Variants in DPP10 observed in about 807,000 individuals in gnomAD.
DPP10 encodes dipeptidyl peptidase like 10, also known as inactive dipeptidyl peptidase 10.
DPP10 carries 33 observed loss-of-function variants against 120.9 expected under a neutral mutation model. That is an observed-to-expected ratio of 0.27 (90% CI 0.21 to 0.37). The LOEUF is 0.37. DPP10 is among the 10% of genes least tolerant of loss of function. The pLI, the probability that DPP10 is intolerant of heterozygous loss-of-function variation, is 1.00. For missense variants in DPP10, 816 were observed against 942.8 expected, an observed-to-expected ratio of 0.87 and a Z score of 1.76; for synonymous variants, 337 against 326.1, an observed-to-expected ratio of 1.03 and a Z score of -0.36.
intron 1 of DPP10, among the ~76,000 whole-genome samples, chr2:115,046,370 T>A (rs1295454849): frequency 1.3e-5 from 2 of 152,336 alleles, no homozygotes; most frequent in Admixed American, 1.3e-4. Flanking sequence ...TCTTGCAGAC[T>A]TTGAAGCTTA....
chr2:114,861,528 A>C (rs1420946916), intron 1 of DPP10, among the ~76,000 whole-genome samples: 3 of 152,166 alleles, frequency 2.0e-5, no homozygotes, highest in African/African-American at 7.2e-5. Flanking sequence ...TTATTTTTTC[A>C]CTCAAGTATC....
At chr2:115,258,835 G>T (rs1000647605) in intron 1 of DPP10, among the ~76,000 whole-genome samples, 3 of 152,166 alleles carry the variant, frequency 2.0e-5, no homozygotes, top group Non-Finnish European at 4.4e-5. Flanking sequence ...GCTGCACTGA[G>T]CTGTGATAGC....
At chr2:114,493,175 T>C (rs552105083) in intron 1 of DPP10, among the ~76,000 whole-genome samples, 2 of 152,064 alleles carry the variant, frequency 1.3e-5, no homozygotes, top group African/African-American at 4.8e-5. Flanking sequence ...CAAAGTGTGG[T>C]GGTGAGCAGA....
At chr2:115,252,198 T>C (rs913334258) in intron 1 of DPP10, among the ~76,000 whole-genome samples, 3 of 152,222 alleles carry the variant, frequency 2.0e-5, no homozygotes, top group Non-Finnish European at 2.9e-5. Context: ...GTAGATACTC[T>C]CGTGAATTTC....
intron 1 of DPP10, among the ~76,000 whole-genome samples, chr2:115,040,482 A>G (rs1704553372): frequency 6.6e-6 from 1 of 152,078 alleles, no homozygotes; most frequent in Non-Finnish European, 1.5e-5. Context: ...AGCACAAACC[A>G]AGAGGAAAGA....
intron 1 of DPP10, among the ~76,000 whole-genome samples, chr2:114,652,727 T>C (rs1366469259): frequency 6.6e-6 from 1 of 152,168 alleles, no homozygotes; most frequent in Non-Finnish European, 1.5e-5. Flanking sequence ...TTGATCCATT[T>C]CTCTAAAGTA....
intron 1 of DPP10, among the ~76,000 whole-genome samples, chr2:115,177,739 CTTTTG>C (rs1032023402): frequency 2.1e-5 from 3 of 145,300 alleles, no homozygotes; most frequent in African/African-American, 5.1e-5. Flanking sequence ...TATAACATTG[CTTTTG>C]TTTTGTTTTG....
chr2:115,327,668 A>G (rs1232836424), intron 2 of DPP10, among the ~76,000 whole-genome samples: 1 of 152,050 alleles, frequency 6.6e-6, no homozygotes, highest in African/African-American at 2.4e-5. Flanking sequence ...TCATAACTCA[A>G]GCAACTGACC....
chr2:114,840,541 G>A (rs1688076712), intron 1 of DPP10, among the ~76,000 whole-genome samples: 1 of 152,124 alleles, frequency 6.6e-6, no homozygotes, highest in African/African-American at 2.4e-5. Flanking sequence ...TTAAGAAAGT[G>A]TATTCTCCTT....
At chr2:115,464,033 C>T (rs2074153193) in intron 3 of DPP10, among the ~76,000 whole-genome samples, 4 of 152,212 alleles carry the variant, frequency 2.6e-5, no homozygotes, top group Admixed American at 2.0e-4. Context: ...CTCTTCGTGG[C>T]TCATGATGGT....
At chr2:114,733,860 T>C (rs1677163770) in intron 1 of DPP10, among the ~76,000 whole-genome samples, 2 of 152,214 alleles carry the variant, frequency 1.3e-5, no homozygotes, top group South Asian at 4.1e-4. Context: ...TTAGATATAA[T>C]AGACAGTGCC....
intron 3 of DPP10, among the ~76,000 whole-genome samples, chr2:115,458,476 G>C (rs2073757804): frequency 6.6e-6 from 1 of 152,086 alleles, no homozygotes; most frequent in Non-Finnish European, 1.5e-5. Context: ...GTTTCCTCTA[G>C]TTGAACAAAA....
At chr2:114,677,913 C>A (rs1698773516) in intron 1 of DPP10, among the ~76,000 whole-genome samples, 2 of 152,066 alleles carry the variant, frequency 1.3e-5, no homozygotes, top group South Asian at 2.1e-4. Flanking sequence ...AAGGCACACC[C>A]AACCACCAAT....
Position 115,424,484 on chromosome 2 carries a change from C to CA in DPP10, c.272-75017dup, listed in dbSNP as rs576279012. Among the ~76,000 whole-genome samples the CA allele has an allele frequency of 6.7e-5, 10 of 148,778 alleles. No homozygotes were observed. The South Asian group carries it at 1.3e-3, about 19-fold the overall frequency. On this transcript the variant is annotated intron_variant, in intron 3 of 25. Transcript: ENST00000410059. ...GATAAATTATCAGCAGATAGGAAAA[C>CA]AAAAAAAAAGAAGTCAAATTTTTTA...
At chr2:115,494,778 T>C (rs2076306882) in intron 3 of DPP10, among the ~76,000 whole-genome samples, 1 of 152,170 alleles carries the variant, frequency 6.6e-6, no homozygotes, top group Admixed American at 6.5e-5. Flanking sequence ...ATATCAAAAA[T>C]AGTTTTAAAT....
At chr2:115,805,464 G>A (rs571863108) in intron 19 of DPP10, among the ~76,000 whole-genome samples, 1 of 152,016 alleles carries the variant, frequency 6.6e-6, no homozygotes. Context: ...GCACTCCCCA[G>A]TGAGATGAAC....
At chr2:114,781,132 T>C (rs1682291241) in intron 1 of DPP10, among the ~76,000 whole-genome samples, 1 of 152,154 alleles carries the variant, frequency 6.6e-6, no homozygotes, top group Non-Finnish European at 1.5e-5. Flanking sequence ...AATGAATGAA[T>C]AAATACACAA....
chr2:114,976,355 A>G (rs544979785), intron 1 of DPP10, among the ~76,000 whole-genome samples: 1 of 152,314 alleles, frequency 6.6e-6, no homozygotes, highest in South Asian at 2.1e-4. Context: ...TTCAATGCAT[A>G]CTGCAACTTC....
intron 1 of DPP10, among the ~76,000 whole-genome samples, chr2:115,294,685 C>T (rs1027527744): frequency 6.6e-6 from 1 of 152,048 alleles, no homozygotes; most frequent in Non-Finnish European, 1.5e-5. Context: ...AATCCTTACA[C>T]CTATGTAGTT....
Sources: allele counts gnomAD v4.1 joint callset (sites outside exome capture counted in the v4.1 genomes callset), GRCh38; gene constraint gnomAD v4.1.1; transcripts MANE v1.5; gene names NCBI Gene and HGNC (gene_info 2026-07-23, HGNC 2026-07-21).